Variants in STAB2 observed in about 807,000 individuals in gnomAD.
STAB2 encodes stabilin-2.
A neutral mutation model predicts 338.1 loss-of-function variants in STAB2; 288 were observed. The ratio of observed to expected loss-of-function variants is 0.85; its 90% confidence interval spans 0.77 to 0.94. The LOEUF (loss-of-function observed/expected upper bound fraction) is 0.94, where lower values mean the gene tolerates loss of function less well. Among genes scored for constraint, STAB2 ranks in the 40% least tolerant of loss-of-function variants. The pLI is 0.00. For missense variants in STAB2, 3,141 were observed against 3,210.1 expected (o/e 0.98, Z 0.52); for synonymous variants, 1,202 against 1,193.3 (o/e 1.01, Z -0.15).
intron 3 of STAB2, among the ~76,000 whole-genome samples, chr12:103,615,203 G>A (rs1957190401): frequency 6.6e-6 from 1 of 152,024 alleles, no homozygotes; most frequent in Non-Finnish European, 1.5e-5. Flanking sequence ...ATTAGTCCAG[G>A]GCTTCCAAAA....
chr12:103,694,273 C>T (rs1878209736), intron 31 of STAB2, among the ~76,000 whole-genome samples: 1 of 152,162 alleles, frequency 6.6e-6, no homozygotes, highest in Non-Finnish European at 1.5e-5. Flanking sequence ...CTCATCACTG[C>T]CTATTGTTAT....
At chr12:103,746,122 C>G (rs1459999448) in intron 57 of STAB2, among the ~76,000 whole-genome samples, 2 of 152,156 alleles carry the variant, frequency 1.3e-5, no homozygotes, top group South Asian at 2.1e-4. Context: ...CCCTCCTCCC[C>G]TAAGCACTAC....
intron 9 of STAB2, among the ~76,000 whole-genome samples, chr12:103,641,692 A>T (rs936535901): frequency 5.3e-5 from 8 of 152,238 alleles, no homozygotes; most frequent in Non-Finnish European, 1.2e-4. Context: ...GTGTTTGAGA[A>T]GATAAAATCT....
intron 3 of STAB2, among the ~76,000 whole-genome samples, chr12:103,602,982 T>G (rs975312860): frequency 1.3e-5 from 2 of 152,180 alleles, no homozygotes; most frequent in Non-Finnish European, 2.9e-5. Context: ...CACAAAGATT[T>G]TTTTCTATAT....
intron 13 of STAB2, 146 bp downstream of exon 13, chr12:103,654,844 G>A: frequency 9.9e-7 from 1 of 1,010,032 alleles, no homozygotes; most frequent in Non-Finnish European, 1.4e-6. Flanking sequence ...TGGTTTGTCT[G>A]TTTCCAATAG....
intron 45 of STAB2, 82 bp from the exon 46 acceptor site, chr12:103,726,034 C>A: frequency 1.4e-6 from 2 of 1,475,432 alleles, no homozygotes; most frequent in South Asian, 1.2e-5. Context: ...GAAGGGATGG[C>A]AGAGAAATCA....
chr12:103,704,536 A>G, intron 35 of STAB2, 22 bp from the exon 36 acceptor site: 2 of 1,609,982 alleles, frequency 1.2e-6, no homozygotes. Flanking sequence ...AATTACATTG[A>G]TTGCTTTTGT....
At chr12:103,748,676 A>G (rs1448357242) in intron 58 of STAB2, among the ~76,000 whole-genome samples, 3 of 151,226 alleles carry the variant, frequency 2.0e-5, no homozygotes, top group Non-Finnish European at 4.4e-5. Context: ...AACATTAAAA[A>G]TCCAAATTTA....
At chr12:103,593,169 T>C (rs1160865398) in intron 2 of STAB2, among the ~76,000 whole-genome samples, 1 of 152,214 alleles carries the variant, frequency 6.6e-6, no homozygotes, top group East Asian at 1.9e-4. Context: ...TTCAATTTTT[T>C]TGGATATATA....
At chr12:103,719,656 C>G (rs1213958264) in intron 44 of STAB2, among the ~76,000 whole-genome samples, 1 of 152,212 alleles carries the variant, frequency 6.6e-6, no homozygotes, top group African/African-American at 2.4e-5. Flanking sequence ...ACATTTGTGG[C>G]ATTAAGTGGT....
intron 9 of STAB2, 114 bp downstream of exon 9, chr12:103,640,370 C>A: frequency 7.5e-7 from 1 of 1,334,942 alleles, no homozygotes; most frequent in Non-Finnish European, 1.0e-6. Flanking sequence ...TTGCATCCAC[C>A]CCCACCCCAC....
rs115220562 is a variant in STAB2 at position 103,750,478 on chromosome 12, T to G, written c.6439-101T>G. 5.8e-4 allele frequency: 855 copies of G among 1,481,404 alleles called. 6 individuals are homozygous for G. In the African/African-American group the frequency reaches 0.01, roughly 17 times the overall value. 91.8% of individuals were successfully genotyped at this position (1,481,404 alleles called of 1,614,324 possible). A position where few individuals can be genotyped will look rare whatever the true frequency, so the allele number is the denominator to read the frequency against. ...AGGAAAGGCACGTTCTCTTGGTCCA[T>G]CTGAACACCTCCTAGGCTGGACATT... On this transcript the variant is annotated intron_variant, in intron 59 of 68. Coordinates refer to ENST00000388887, the MANE Select transcript of STAB2 (RefSeq NM_017564.10).
chr12:103,674,227 AGTGTGGTGTTT>A, intron 23 of STAB2, 140 bp downstream of exon 23: 1 of 1,019,714 alleles, frequency 9.8e-7, no homozygotes, highest in South Asian at 1.8e-5. Context: ...TCCAGCTGAC[AGTGTGGTGTTT>A]GTGAAAAGAA....
chr12:103,602,186 T>A (rs139699606), intron 3 of STAB2, among the ~76,000 whole-genome samples: 1 of 152,358 alleles, frequency 6.6e-6, no homozygotes, highest in East Asian at 1.9e-4. Context: ...TGCCTTTATG[T>A]CATATAATTG....
intron 47 of STAB2, 28 bp from the exon 48 acceptor site, chr12:103,728,821 G>A (rs778179338): frequency 9.9e-6 from 16 of 1,612,500 alleles, no homozygotes; most frequent in African/African-American, 1.3e-5. Flanking sequence ...CCTGCCTCTG[G>A]CTGAAACCCT....
chr12:103,711,405 A>G lies in STAB2; in HGVS notation c.4289-66A>G, dbSNP rs116062373. ...AAAGAAGTAGCTTTTCTGAGCACAAAATACTAAAAATCCTCAGGTGAGATT... is the reference window on the plus strand; with the variant it reads ...AAAGAAGTAGCTTTTCTGAGCACAAGATACTAAAAATCCTCAGGTGAGATT... On this transcript the variant is annotated intron_variant, in intron 39 of 68. Coordinates refer to ENST00000388887, the MANE Select transcript of STAB2 (RefSeq NM_017564.10). 1.8e-3 allele frequency: 2,926 copies of G among 1,606,012 alleles called. 44 individuals carry two copies. The African/African-American group carries it at 0.034, about 19-fold the overall frequency.
intron 27 of STAB2, among the ~76,000 whole-genome samples, chr12:103,687,713 C>T (rs1206292294): frequency 6.6e-6 from 1 of 152,134 alleles, no homozygotes; most frequent in Non-Finnish European, 1.5e-5. Flanking sequence ...AGGTAACTGG[C>T]CTAGGGAACT....
chr12:103,670,853 C>A, intron 22 of STAB2, 46 bp downstream of exon 22: 1 of 1,521,130 alleles, frequency 6.6e-7, no homozygotes, highest in South Asian at 1.2e-5. Context: ...AGCAAGGTTC[C>A]CTCTCGTGCT....
At chr12:103,725,204 A>T in intron 45 of STAB2, 110 bp downstream of exon 45, 1 of 1,479,304 alleles carries the variant, frequency 6.8e-7, no homozygotes. Flanking sequence ...GCGCTATAAA[A>T]ATATGAAAGG....
Sources: gnomAD v4.1 joint callset for allele counts (sites outside exome capture counted in the v4.1 genomes callset) on GRCh38, gnomAD v4.1.1 for gene constraint, MANE v1.5 for transcripts, NCBI Gene and HGNC (gene_info 2026-07-23, HGNC 2026-07-21) for gene names.